The following GUCY1A2 variants were observed in gnomAD, a reference collection of about 807,000 sequenced individuals.
GUCY1A2 encodes the protein guanylate cyclase soluble subunit alpha-2.
A neutral mutation model predicts 63.5 loss-of-function variants in GUCY1A2; 27 were observed. The observed-to-expected ratio is 0.43, with a 90% CI of 0.31 to 0.59. GUCY1A2 has a LOEUF of 0.59. Among genes scored for constraint, GUCY1A2 ranks in the 20% least tolerant of loss-of-function variants. GUCY1A2 has a pLI of 0.11. For synonymous variants in GUCY1A2, 364 were observed against 343.5 expected (o/e 1.06, Z -0.66); for missense variants, 768 against 913.3 (o/e 0.84, Z 2.05).
intron 5 of GUCY1A2, among the ~76,000 whole-genome samples, chr11:106,799,723 C>T (rs1864836514): frequency 6.6e-6 from 1 of 152,134 alleles, no homozygotes; most frequent in African/African-American, 2.4e-5. Flanking sequence ...TTCCTTACAC[C>T]TTATACAGAA....
intron 5 of GUCY1A2, among the ~76,000 whole-genome samples, chr11:106,784,973 T>C (rs1864531444): frequency 6.6e-6 from 1 of 152,154 alleles, no homozygotes; most frequent in Non-Finnish European, 1.5e-5. Flanking sequence ...GGCATTGTCA[T>C]TAACCTACAC....
intron 4 of GUCY1A2, among the ~76,000 whole-genome samples, chr11:106,862,390 T>C (rs528479129): frequency 6.6e-6 from 1 of 151,966 alleles, no homozygotes; most frequent in East Asian, 1.9e-4. Context: ...TGGTAGCTGA[T>C]ATCATCATCA....
At chr11:106,821,933 G>T (rs1858908863) in intron 4 of GUCY1A2, among the ~76,000 whole-genome samples, 1 of 152,060 alleles carries the variant, frequency 6.6e-6, no homozygotes, top group African/African-American at 2.4e-5. Context: ...ACAAGTCAGG[G>T]GTGTTTGTTT....
intron 3 of GUCY1A2, among the ~76,000 whole-genome samples, chr11:106,969,141 T>C (rs910656286): frequency 6.6e-6 from 1 of 152,174 alleles, no homozygotes; most frequent in Non-Finnish European, 1.5e-5. Flanking sequence ...ATATAAAATG[T>C]CTTAATTTAA....
At chr11:106,841,610 A>T (rs1168642279) in intron 4 of GUCY1A2, among the ~76,000 whole-genome samples, 1 of 151,920 alleles carries the variant, frequency 6.6e-6, no homozygotes, top group East Asian at 1.9e-4. Flanking sequence ...ACCATGTTTT[A>T]TACTTGAGTG....
chr11:106,999,878 T>C (rs888578902), intron 1 of GUCY1A2, among the ~76,000 whole-genome samples: 2 of 152,190 alleles, frequency 1.3e-5, no homozygotes. Context: ...TTCTAAACAG[T>C]CAAGAAAGCT....
chr11:106,831,573 A>T (rs976343233), intron 4 of GUCY1A2, among the ~76,000 whole-genome samples: 1 of 152,194 alleles, frequency 6.6e-6, no homozygotes, highest in African/African-American at 2.4e-5. Flanking sequence ...AGTTATGACC[A>T]TTGGAATGTG....
intron 6 of GUCY1A2, among the ~76,000 whole-genome samples, chr11:106,730,316 G>A (rs1863481455): frequency 6.6e-6 from 1 of 151,276 alleles, no homozygotes; most frequent in South Asian, 2.1e-4. Flanking sequence ...TGTCCCCTCT[G>A]TATGTACATG....
intron 7 of GUCY1A2, among the ~76,000 whole-genome samples, chr11:106,696,787 A>T (rs1319559021): frequency 6.6e-6 from 1 of 152,168 alleles, no homozygotes; most frequent in Non-Finnish European, 1.5e-5. Context: ...TTCCTTGCAA[A>T]TTCCACTAAA....
At chr11:106,689,813 G>T (rs1031989831) in intron 7 of GUCY1A2, among the ~76,000 whole-genome samples, 1 of 151,998 alleles carries the variant, frequency 6.6e-6, no homozygotes, top group Non-Finnish European at 1.5e-5. Context: ...CCAACATGGT[G>T]AAACCCCATC....
At chr11:106,897,475 G>C (rs775318972) in intron 4 of GUCY1A2, among the ~76,000 whole-genome samples, 1 of 152,004 alleles carries the variant, frequency 6.6e-6, no homozygotes, top group African/African-American at 2.4e-5. Flanking sequence ...AATCAAAATA[G>C]AGTGGTATTT....
At chr11:106,866,262 A>C (rs1458010338) in intron 4 of GUCY1A2, among the ~76,000 whole-genome samples, 1 of 151,908 alleles carries the variant, frequency 6.6e-6, no homozygotes, top group Non-Finnish European at 1.5e-5. Flanking sequence ...AAAATGAAAG[A>C]AGGAAGGGAG....
chr11:106,891,330 ATGT>A (rs1320471185), intron 4 of GUCY1A2, among the ~76,000 whole-genome samples: 1 of 152,050 alleles, frequency 6.6e-6, no homozygotes, highest in Non-Finnish European at 1.5e-5. Context: ...GTAATTCTTT[ATGT>A]ACTCTAGATA....
intron 4 of GUCY1A2, among the ~76,000 whole-genome samples, chr11:106,930,377 T>A (rs1197996652): frequency 6.6e-6 from 1 of 152,170 alleles, no homozygotes; most frequent in African/African-American, 2.4e-5. Flanking sequence ...CAGGCTGGAG[T>A]GCAGTGGTGC....
chr11:106,721,679 C>A (rs1247528923), intron 6 of GUCY1A2, among the ~76,000 whole-genome samples: 1 of 152,104 alleles, frequency 6.6e-6, no homozygotes, highest in East Asian at 1.9e-4. Flanking sequence ...AGATTTGACC[C>A]AATATTACTT....
At chr11:106,708,484 A>C in intron 7 of GUCY1A2, 28 bp downstream of exon 7, 18 of 1,585,780 alleles carry the variant, frequency 1.1e-5, no homozygotes, top group Non-Finnish European at 1.4e-5. Context: ...AGGCCAAGAC[A>C]GGAAGGAGGA....
chr11:106,998,303 G>T (rs1327740279), intron 1 of GUCY1A2, among the ~76,000 whole-genome samples: 1 of 152,158 alleles, frequency 6.6e-6, no homozygotes, highest in Non-Finnish European at 1.5e-5. Flanking sequence ...GAAAGGATGT[G>T]AATAAGAAAG....
intron 1 of GUCY1A2, among the ~76,000 whole-genome samples, chr11:107,005,063 C>T (rs1055145487): frequency 1.3e-5 from 2 of 152,018 alleles, no homozygotes; most frequent in Non-Finnish European, 2.9e-5. Flanking sequence ...GCACACTGCC[C>T]GATAATGGTA....
At chr11:106,721,176 A>G (rs1843989) in intron 6 of GUCY1A2, among the ~76,000 whole-genome samples, 22,038 of 151,170 alleles carry the variant, frequency 0.15, 1,724 homozygotes, top group African/African-American at 0.2. Flanking sequence ...CTCCTGCCTC[A>G]ATCTACCGAG....
Sources: gnomAD v4.1 joint callset for allele counts (sites outside exome capture counted in the v4.1 genomes callset) on GRCh38, gnomAD v4.1.1 for gene constraint, MANE v1.5 for transcripts, NCBI Gene and HGNC (gene_info 2026-07-23, HGNC 2026-07-21) for gene names.